GRM5: variants seen among roughly 807,000 people sequenced by gnomAD.
The protein encoded by GRM5 is glutamate metabotropic receptor 5.
Under a neutral mutation model 83.1 loss-of-function variants are expected in GRM5, and 19 were observed. The ratio of observed to expected loss-of-function variants is 0.23; its 90% confidence interval spans 0.16 to 0.34. GRM5 has a LOEUF of 0.34. Among genes scored for constraint, GRM5 ranks in the 10% least tolerant of loss-of-function variants. The pLI is 1.00. For missense variants in GRM5, 1,160 were observed against 1,588.3 expected (o/e 0.73, Z 4.58); for synonymous variants, 675 against 633.6 (o/e 1.07, Z -0.98).
intron 2 of GRM5, among the ~76,000 whole-genome samples, chr11:88,931,653 T>A (rs1463604855): frequency 6.6e-6 from 1 of 151,942 alleles, no homozygotes; most frequent in Non-Finnish European, 1.5e-5. Context: ...TAAAATACAG[T>A]TGTTATTGTT....
intron 3 of GRM5, among the ~76,000 whole-genome samples, chr11:88,733,229 C>G (rs565413092): frequency 6.6e-6 from 1 of 151,888 alleles, no homozygotes; most frequent in Non-Finnish European, 1.5e-5. Flanking sequence ...CTGCTTATCC[C>G]CAGCATCTAA....
intron 2 of GRM5, among the ~76,000 whole-genome samples, chr11:88,886,906 G>A (rs1174732208): frequency 1.3e-5 from 2 of 152,062 alleles, no homozygotes; most frequent in African/African-American, 4.8e-5. Context: ...TGTGATTTTC[G>A]AGGAACAGAG....
chr11:88,613,130 T>A (rs1938374079), intron 4 of GRM5, among the ~76,000 whole-genome samples: 1 of 152,190 alleles, frequency 6.6e-6, no homozygotes, highest in Non-Finnish European at 1.5e-5. Flanking sequence ...GTGCTCATCT[T>A]AGAATTATGT....
intron 8 of GRM5, among the ~76,000 whole-genome samples, chr11:88,555,844 A>G (rs1942614321): frequency 6.6e-6 from 1 of 152,176 alleles, no homozygotes; most frequent in Non-Finnish European, 1.5e-5. Context: ...TATATGATGC[A>G]TAAAATTTAT....
intron 1 of GRM5, among the ~76,000 whole-genome samples, chr11:89,059,614 TA>T (rs1941946199): frequency 6.6e-6 from 1 of 152,120 alleles, no homozygotes; most frequent in African/African-American, 2.4e-5. Context: ...GTTTTATCAT[TA>T]AAGTCATAAA....
rs920103537 is a variant in GRM5 at position 88,613,641 on chromosome 11, C to T, written c.1148-8677G>A. 5.9e-5 allele frequency among the ~76,000 whole-genome samples: 9 copies of T among 152,158 alleles called. No individual in the cohort carries two copies. The East Asian group carries it at 1.5e-3, about 26-fold the overall frequency. On this transcript the variant is annotated intron_variant, in intron 4 of 9. Transcript: ENST00000305447. Reference sequence around the variant, plus strand: ...GGGTCTTGCTTCTTTATCCAACTTGCCATTTTATGCCTTTTAAGTGGGGAC... The same window carrying T: ...GGGTCTTGCTTCTTTATCCAACTTGTCATTTTATGCCTTTTAAGTGGGGAC...
At chr11:88,972,178 T>C (rs1264713040) in intron 2 of GRM5, among the ~76,000 whole-genome samples, 1 of 152,042 alleles carries the variant, frequency 6.6e-6, no homozygotes. Flanking sequence ...CGAACCGTAA[T>C]ATAAACCTCT....
chr11:89,005,485 A>T (rs1416335533), intron 2 of GRM5, among the ~76,000 whole-genome samples: 1 of 152,214 alleles, frequency 6.6e-6, no homozygotes, highest in African/African-American at 2.4e-5. Context: ...AGGGCCAAAC[A>T]AAGGTAACAG....
intron 2 of GRM5, among the ~76,000 whole-genome samples, chr11:88,921,171 A>G (rs1945686046): frequency 6.6e-6 from 1 of 152,166 alleles, no homozygotes; most frequent in South Asian, 2.1e-4. Context: ...ACCAAGTGGA[A>G]TTTATCCCAG....
At chr11:88,620,168 C>T (rs1938595101) in intron 4 of GRM5, among the ~76,000 whole-genome samples, 2 of 152,198 alleles carry the variant, frequency 1.3e-5, no homozygotes, top group East Asian at 1.9e-4. Flanking sequence ...TTAGAATTAT[C>T]TATGTGCTTG....
At chr11:88,847,581 G>T (rs1334670306) in intron 3 of GRM5, among the ~76,000 whole-genome samples, 1 of 152,024 alleles carries the variant, frequency 6.6e-6, no homozygotes, top group African/African-American at 2.4e-5. Context: ...AGAGCATCAC[G>T]TTACTTTTAA....
intron 2 of GRM5, among the ~76,000 whole-genome samples, chr11:88,984,482 A>G (rs752821227): frequency 6.6e-6 from 1 of 152,186 alleles, no homozygotes; most frequent in Admixed American, 6.5e-5. Context: ...TGATGTTCAC[A>G]GGATGAAACT....
intron 3 of GRM5, among the ~76,000 whole-genome samples, chr11:88,717,733 G>A (rs1941430133): frequency 6.6e-6 from 1 of 151,726 alleles, no homozygotes; most frequent in African/African-American, 2.4e-5. Flanking sequence ...TCAAGGAAAT[G>A]TATATATACA....
intron 2 of GRM5, among the ~76,000 whole-genome samples, chr11:89,039,291 A>G (rs992204993): frequency 6.6e-6 from 1 of 151,164 alleles, no homozygotes; most frequent in African/African-American, 2.4e-5. Context: ...ATATATATAT[A>G]TATAAAGTGA....
chr11:88,762,223 A>T (rs1942535027), intron 3 of GRM5, among the ~76,000 whole-genome samples: 1 of 152,162 alleles, frequency 6.6e-6, no homozygotes, highest in Non-Finnish European at 1.5e-5. Context: ...CTGCACAGCA[A>T]AAGAAACTAT....
intron 3 of GRM5, among the ~76,000 whole-genome samples, chr11:88,665,162 TACACAC>T (rs1214459891): frequency 7.1e-6 from 1 of 140,908 alleles, no homozygotes; most frequent in Non-Finnish European, 1.6e-5. Flanking sequence ...TTAATTTATT[TACACAC>T]ACACACACAC....
At chr11:88,751,621 C>T (rs1365363137) in intron 3 of GRM5, among the ~76,000 whole-genome samples, 1 of 152,160 alleles carries the variant, frequency 6.6e-6, no homozygotes, top group East Asian at 1.9e-4. Context: ...CAGCATCATC[C>T]TGACACCAAA....
At chr11:88,606,789 A>C (rs1938154202) in intron 4 of GRM5, among the ~76,000 whole-genome samples, 1 of 152,102 alleles carries the variant, frequency 6.6e-6, no homozygotes, top group African/African-American at 2.4e-5. Context: ...GGTGTCTAGG[A>C]AGTGAAATCT....
At chr11:88,933,097 C>T (rs987621952) in intron 2 of GRM5, among the ~76,000 whole-genome samples, 4 of 150,654 alleles carry the variant, frequency 2.7e-5, no homozygotes, top group African/African-American at 9.7e-5. Context: ...TACATTTAAA[C>T]TTTATATTAC....
Sources: allele counts gnomAD v4.1 joint callset (sites outside exome capture counted in the v4.1 genomes callset), GRCh38; gene constraint gnomAD v4.1.1; transcripts MANE v1.5; gene names NCBI Gene and HGNC (gene_info 2026-07-23, HGNC 2026-07-21).